The following TCF12 variants were observed in gnomAD, a reference collection of about 807,000 sequenced individuals.
TCF12 encodes the protein transcription factor 12, also known as DNA-binding protein HTF4.
Under a neutral mutation model 86.0 loss-of-function variants are expected in TCF12, and 45 were observed. The ratio of observed to expected loss-of-function variants is 0.52; its 90% CI spans 0.41 to 0.67. The LOEUF (loss-of-function observed/expected upper bound fraction) is 0.67, where lower values mean the gene tolerates loss of function less well. TCF12 is among the 30% of genes least tolerant of loss of function. TCF12 has a pLI of 0.00. For synonymous variants in TCF12, 330 were observed against 299.6 expected (o/e 1.10, Z -1.05); for missense variants, 881 against 859.9 (o/e 1.02, Z -0.31).
At chr15:57,198,017 ATTTGTAGC>A (rs1294340571) in intron 8 of TCF12, among the ~76,000 whole-genome samples, 192 bp downstream of exon 8, 3 of 152,162 alleles carry the variant, frequency 2.0e-5, no homozygotes, top group Admixed American at 6.5e-5. Context: ...CTCTGCAATG[ATTTGTAGC>A]TTACTCATAT....
At position 57,091,826 on chromosome 15, in the gene TCF12, A is replaced by G. The variant is rs757091742; in HGVS notation, c.260A>G (p.Asn87Ser). 6.2e-7 allele frequency: 1 copy of G among 1,613,848 alleles called. No homozygotes were observed. Among genetic ancestry groups the G allele is most frequent in the Middle Eastern group, 1.7e-4 (1 of 6,058 alleles). The change falls in exon 5 of 21, where the codon AAT becomes AGT. Residue 87 changes from asparagine (N) to serine (S), a missense_variant. Transcript: ENST00000333725. The stretch of plus-strand genomic sequence containing the variant: ...AGCCCTCATTACAGTGATCACTTGA[A>G]TGACAGTCGATTAGGAGCCCATGAA... ...TDSPHYSDHL[N>S]DSRLGAHEGL...
chr15:57,025,773 G>T (rs188304423), intron 3 of TCF12, among the ~76,000 whole-genome samples: 1 of 152,334 alleles, frequency 6.6e-6, no homozygotes, highest in East Asian at 1.9e-4. Flanking sequence ...AGTCACCAGT[G>T]TGATGAAACG....
intron 18 of TCF12, among the ~76,000 whole-genome samples, chr15:57,263,745 C>T (rs1190574882): frequency 2.0e-5 from 3 of 152,290 alleles, no homozygotes; most frequent in Non-Finnish European, 2.9e-5. Context: ...GCCTGTTGTT[C>T]CTAGGCTGTA....
At chr15:56,982,241 A>G (rs922672033) in intron 3 of TCF12, among the ~76,000 whole-genome samples, 1 of 152,214 alleles carries the variant, frequency 6.6e-6, no homozygotes, top group Non-Finnish European at 1.5e-5. Flanking sequence ...GTAAAGAGTG[A>G]CTGTGATGAA....
intron 4 of TCF12, among the ~76,000 whole-genome samples, chr15:57,079,445 A>C (rs1216732800): frequency 6.6e-6 from 1 of 152,176 alleles, no homozygotes; most frequent in Non-Finnish European, 1.5e-5. Context: ...TGCTCACTCC[A>C]GGATACAAAC....
At chr15:57,221,331 TGTCTGATTTTAA>T (rs2058578606) in intron 8 of TCF12, among the ~76,000 whole-genome samples, 1 of 152,096 alleles carries the variant, frequency 6.6e-6, no homozygotes. Flanking sequence ...TTTTCTTTTG[TGTCTGATTTTAA>T]GTAAAACAGT....
intron 8 of TCF12, among the ~76,000 whole-genome samples, chr15:57,221,248 T>C (rs1008810839): frequency 6.0e-4 from 92 of 152,112 alleles, no homozygotes; most frequent in African/African-American, 2.1e-3. Flanking sequence ...AAGAAGTAGA[T>C]TTAGATGGAT....
chr15:57,285,726 C>T (rs1023971432), intron 20 of TCF12, among the ~76,000 whole-genome samples: 14 of 152,260 alleles, frequency 9.2e-5, no homozygotes, highest in Admixed American at 5.2e-4. Flanking sequence ...CTGTTTTATA[C>T]GCCTATAGTT....
At chr15:57,119,671 G>A (rs937588044) in intron 5 of TCF12, among the ~76,000 whole-genome samples, 2 of 151,580 alleles carry the variant, frequency 1.3e-5, no homozygotes, top group Non-Finnish European at 1.5e-5. Context: ...TGTATACTTT[G>A]GATTTTAGAA....
intron 3 of TCF12, among the ~76,000 whole-genome samples, chr15:57,062,696 C>T (rs1465593942): frequency 1.3e-5 from 2 of 152,112 alleles, no homozygotes; most frequent in African/African-American, 4.8e-5. Flanking sequence ...ACCACATTCT[C>T]ACCTAAATTA....
chr15:56,934,273 GCTT>G (rs1312382277), intron 3 of TCF12, among the ~76,000 whole-genome samples: 1 of 152,186 alleles, frequency 6.6e-6, no homozygotes, highest in East Asian at 1.9e-4. Flanking sequence ...GGAATAGTCT[GCTT>G]CTACTTTGTA....
intron 5 of TCF12, among the ~76,000 whole-genome samples, chr15:57,102,036 A>G (rs1174775530): frequency 6.6e-6 from 1 of 152,090 alleles, no homozygotes; most frequent in Non-Finnish European, 1.5e-5. Context: ...AGGTACTTAT[A>G]TAGCTACTTA....
chr15:57,238,186 T>A (rs1446471651), intron 12 of TCF12, among the ~76,000 whole-genome samples: 1 of 152,198 alleles, frequency 6.6e-6, no homozygotes, highest in Non-Finnish European at 1.5e-5. Flanking sequence ...TTTGGTGCTG[T>A]TTCTCCCGTT....
chr15:57,074,946 A>G (rs1257887367), intron 4 of TCF12, among the ~76,000 whole-genome samples: 2 of 152,174 alleles, frequency 1.3e-5, no homozygotes, highest in Non-Finnish European at 2.9e-5. Flanking sequence ...TGTGTCATGT[A>G]TTTTTGTTGT....
At chr15:56,919,424 G>C (rs1430326293) in intron 1 of TCF12, 2 of 152,630 alleles carry the variant, frequency 1.3e-5, no homozygotes, top group Non-Finnish European at 2.9e-5. Flanking sequence ...CCTGCGAGCG[G>C]CGCGTTCCCT....
chr15:57,223,650 T>TTTTTTGTTTTTTTTTTG (rs2058717371), intron 8 of TCF12, among the ~76,000 whole-genome samples: 2 of 125,006 alleles, frequency 1.6e-5, no homozygotes, highest in African/African-American at 3.5e-5. Context: ...GAGGTTTTTT[T>TTTTTTGTTTTTTTTTTG]TTTTTTTTTT....
intron 3 of TCF12, among the ~76,000 whole-genome samples, chr15:57,001,615 G>C (rs2064040989): frequency 6.6e-6 from 1 of 152,310 alleles, no homozygotes; most frequent in East Asian, 1.9e-4. Context: ...CAGAGCACCT[G>C]TCTAGGGATG....
intron 8 of TCF12, among the ~76,000 whole-genome samples, chr15:57,230,348 T>C (rs1432155122): frequency 6.6e-6 from 1 of 151,982 alleles, no homozygotes; most frequent in Non-Finnish European, 1.5e-5. Context: ...TGCATCACTT[T>C]AGATATTATT....
intron 3 of TCF12, among the ~76,000 whole-genome samples, chr15:56,938,018 T>G (rs1488876946): frequency 6.7e-6 from 1 of 148,732 alleles, no homozygotes; most frequent in Non-Finnish European, 1.5e-5. Context: ...GTTTGCTTTT[T>G]TTTTCTTTTT....
Sources: gnomAD v4.1 joint callset for allele counts (sites outside exome capture counted in the v4.1 genomes callset) on GRCh38, gnomAD v4.1.1 for gene constraint, MANE v1.5 for transcripts, NCBI Gene and HGNC (gene_info 2026-07-23, HGNC 2026-07-21) for gene names.